Variants in TSPAN18 observed in about 807,000 individuals in gnomAD.
TSPAN18 encodes tetraspanin-18.
Under a neutral mutation model 27.3 loss-of-function variants are expected in TSPAN18, and 14 were observed. That is an observed-to-expected ratio of 0.51 (90% CI 0.34 to 0.80). The LOEUF is 0.80. TSPAN18 is among the 30% of genes least tolerant of loss of function. TSPAN18 has a pLI of 0.01. For missense variants in TSPAN18, 268 were observed against 323.9 expected, an observed-to-expected ratio of 0.83 and a Z score of 1.32; for synonymous variants, 143 against 136.5, an observed-to-expected ratio of 1.05 and a Z score of -0.33.
rs1267622913 is a variant in TSPAN18 at position 44,727,053 on chromosome 11, AGCCCCG to A, written c.-462_-457del. 3 of 120,922 alleles carry A rather than the reference AGCCCCG, an allele frequency of 2.5e-5. No homozygotes were observed. The highest frequency in any genetic ancestry group is 6.0e-5 in the African/African-American group (2 of 33,414). 7.5% of individuals were successfully genotyped at this position (120,922 alleles called of 1,614,324 possible). A position where few individuals can be genotyped will look rare whatever the true frequency, so the allele number is the denominator to read the frequency against. On this transcript the variant is annotated 5_prime_UTR_variant, in exon 1 of 10. Transcript: ENST00000520358. Reference sequence around the variant, plus strand: ...AGCCGCGCGAGGCCGCCCGAGCCCCAGCCCCGGCCCCGGCCCCAGCCCCGGCCCCGG... The same window carrying A: ...AGCCGCGCGAGGCCGCCCGAGCCCCAGCCCCGGCCCCAGCCCCGGCCCCGG...
intron 2 of TSPAN18, among the ~76,000 whole-genome samples, chr11:44,766,610 AG>A (rs1183539906): frequency 9.2e-5 from 14 of 152,234 alleles, no homozygotes; most frequent in Admixed American, 7.2e-4. Flanking sequence ...TGCAGAGCAA[AG>A]CAGCAGGGGT....
chr11:44,743,634 A>G (rs4755286), intron 1 of TSPAN18, among the ~76,000 whole-genome samples: 37,266 of 151,998 alleles, frequency 0.25, 5,905 homozygotes, highest in East Asian at 0.71. Context: ...TCCAGCTTTC[A>G]AGTTGCCCTT....
intron 5 of TSPAN18, among the ~76,000 whole-genome samples, chr11:44,916,680 C>T (rs377134051): frequency 1.8e-4 from 27 of 152,266 alleles, no homozygotes; most frequent in African/African-American, 5.8e-4. Context: ...CCTGAGGTGT[C>T]CTGACTTGAA....
chr11:44,809,314 A>C (rs2135092631), intron 2 of TSPAN18, among the ~76,000 whole-genome samples: 1 of 152,212 alleles, frequency 6.6e-6, no homozygotes, highest in East Asian at 1.9e-4. Context: ...ATCTCCACCG[A>C]GAGGTCTCTG....
chr11:44,908,802 A>AGAAAGAAGGAAG (rs1564992983), intron 4 of TSPAN18, among the ~76,000 whole-genome samples: 6 of 115,534 alleles, frequency 5.2e-5, no homozygotes, highest in Admixed American at 2.6e-4. Context: ...AAAGAAAGAA[A>AGAAAGAAGGAAG]GAAAGAAAGA....
chr11:44,753,430 C>T (rs1855258952), intron 1 of TSPAN18, among the ~76,000 whole-genome samples: 1 of 152,128 alleles, frequency 6.6e-6, no homozygotes, highest in Admixed American at 6.5e-5. Context: ...CCGCACTCAG[C>T]CAGCGCATCC....
At chr11:44,777,415 C>T (rs543869604) in intron 2 of TSPAN18, among the ~76,000 whole-genome samples, 179 of 152,204 alleles carry the variant, frequency 1.2e-3, no homozygotes, top group African/African-American at 4.1e-3. Flanking sequence ...CTTCAGCTCC[C>T]GGTCACCAGC....
At chr11:44,737,982 T>G (rs371809719) in intron 1 of TSPAN18, among the ~76,000 whole-genome samples, 2 of 152,166 alleles carry the variant, frequency 1.3e-5, no homozygotes, top group East Asian at 3.9e-4. Flanking sequence ...AGTCCTCTCC[T>G]TAGTGGTGTT....
chr11:44,851,619 C>CCA lies in TSPAN18; in HGVS notation c.-152-8708_-152-8707insAC, dbSNP rs1554991778. ...AGCCCAGGTACTCTTGTCACCTCCCCCCCCCAACGGCTGGGTCCCTGTCTA... is the reference window on the plus strand; with the variant it reads ...AGCCCAGGTACTCTTGTCACCTCCCCCACCCCCAACGGCTGGGTCCCTGTCTA... On this transcript the variant is annotated intron_variant, in intron 2 of 9. Transcript: ENST00000520358. 4.7e-5 allele frequency among the ~76,000 whole-genome samples: 7 copies of CCA among 147,784 alleles called. 1 individual carries two copies. The highest frequency in any genetic ancestry group is 1.1e-4 in the Non-Finnish European group (7 of 65,766).
chr11:44,761,546 C>T (rs1032175118), intron 1 of TSPAN18, among the ~76,000 whole-genome samples: 8 of 152,220 alleles, frequency 5.3e-5, no homozygotes, highest in African/African-American at 1.9e-4. Context: ...CTAATCTCCT[C>T]TGAGGCTGCA....
At chr11:44,858,040 G>A (rs997094434) in intron 2 of TSPAN18, among the ~76,000 whole-genome samples, 2 of 152,228 alleles carry the variant, frequency 1.3e-5, no homozygotes, top group Non-Finnish European at 2.9e-5. Flanking sequence ...TTTCACAGCC[G>A]TGTGTCTGAA....
chr11:44,894,573 G>A (rs116515285), intron 3 of TSPAN18, among the ~76,000 whole-genome samples: 170 of 152,340 alleles, frequency 1.1e-3, no homozygotes, highest in African/African-American at 3.6e-3. Context: ...GGGCTGAGCC[G>A]CCATCTGGGC....
chr11:44,791,645 G>A (rs1211331808), intron 2 of TSPAN18, among the ~76,000 whole-genome samples: 3 of 152,228 alleles, frequency 2.0e-5, no homozygotes, highest in South Asian at 2.1e-4. Flanking sequence ...GTGTCCCCAG[G>A]CTCCAGGGAA....
chr11:44,879,304 A>G (rs1858425292), intron 3 of TSPAN18, among the ~76,000 whole-genome samples: 1 of 151,636 alleles, frequency 6.6e-6, no homozygotes, highest in African/African-American at 2.4e-5. Flanking sequence ...TCCATTGAGC[A>G]CTCAGTATAC....
At chr11:44,874,553 G>C (rs534849476) in intron 3 of TSPAN18, among the ~76,000 whole-genome samples, 1 of 152,244 alleles carries the variant, frequency 6.6e-6, no homozygotes, top group Non-Finnish European at 1.5e-5. Context: ...ATTCATGCCC[G>C]AGTCTATCTT....
intron 1 of TSPAN18, among the ~76,000 whole-genome samples, chr11:44,761,524 G>A (rs1445264102): frequency 6.6e-6 from 1 of 152,224 alleles, no homozygotes; most frequent in Non-Finnish European, 1.5e-5. Flanking sequence ...CTTCTGGCAG[G>A]CTGGTAATAA....
chr11:44,837,399 G>A (rs1372785372), intron 2 of TSPAN18, among the ~76,000 whole-genome samples: 1 of 152,248 alleles, frequency 6.6e-6, no homozygotes, highest in East Asian at 1.9e-4. Flanking sequence ...TAAAGCCTTA[G>A]TGGATGAGGA....
intron 1 of TSPAN18, among the ~76,000 whole-genome samples, chr11:44,741,821 C>T (rs772984753): frequency 2.0e-5 from 3 of 152,198 alleles, no homozygotes; most frequent in Non-Finnish European, 2.9e-5. Context: ...AAAACAAGAT[C>T]AAGTGCCTAG....
chr11:44,823,543 A>T (rs1473950013), intron 2 of TSPAN18, among the ~76,000 whole-genome samples: 7 of 152,194 alleles, frequency 4.6e-5, no homozygotes, highest in African/African-American at 1.4e-4. Flanking sequence ...CAGTGTAGAA[A>T]ACCAATTAGG....
Sources: allele counts gnomAD v4.1 joint callset (sites outside exome capture counted in the v4.1 genomes callset), GRCh38; gene constraint gnomAD v4.1.1; transcripts MANE v1.5; gene names NCBI Gene and HGNC (gene_info 2026-07-23, HGNC 2026-07-21).